The following ZNF609 variants were observed in gnomAD, a reference collection of about 807,000 sequenced individuals.
The protein encoded by ZNF609 is zinc finger protein 609.
ZNF609 carries 11 observed loss-of-function variants against 109.5 expected under a neutral mutation model. That is an observed-to-expected ratio of 0.10 (90% CI 0.06 to 0.17). The LOEUF (loss-of-function observed/expected upper bound fraction) is 0.17. Among genes scored for constraint, ZNF609 ranks in the 10% least tolerant of loss-of-function variants. The pLI is 1.00. For missense variants in ZNF609, 1,559 were observed against 1,772.4 expected, an observed-to-expected ratio of 0.88 and a Z score of 2.16; for synonymous variants, 646 against 662.0, an observed-to-expected ratio of 0.98 and a Z score of 0.37.
Position 64,674,824 on chromosome 15 carries a change from G to C in ZNF609, c.1970G>C (p.Arg657Pro). The C allele has an allele frequency of 1.9e-6, 3 of 1,614,038 alleles. No homozygotes were observed. The highest frequency in any genetic ancestry group is 2.5e-6 in the Non-Finnish European group (3 of 1,179,992). The change falls in exon 5 of 10, where the codon CGT (arginine) becomes CCT (proline). Residue 657 changes from arginine (R) to proline (P), a missense_variant. Arg to Pro is a moderately radical substitution (Grantham distance 103, BLOSUM62 -2). Coordinates refer to ENST00000326648, the MANE Select transcript of ZNF609 (RefSeq NM_015042.2). ...KIPSKSLKSARPIAPAIPPQQ... is the reference protein window; with the variant it reads ...KIPSKSLKSAPPIAPAIPPQQ... ...CCTTCCAAGAGCCTAAAGTCAGCCC[G>C]TCCCATTGCCCCTGCCATCCCCCCA...
At chr15:64,500,210 A>C (rs2140351027) in intron 2 of ZNF609, 44 bp downstream of exon 2, 1 of 1,599,730 alleles carries the variant, frequency 6.3e-7, no homozygotes, top group East Asian at 2.2e-5. Context: ...TGCCAGTCAG[A>C]ACTGCCCTGG....
chr15:64,500,053 C>G lies in ZNF609; in HGVS notation c.634C>G (p.Leu212Val). 1.2e-6 allele frequency: 2 copies of G among 1,614,118 alleles called. No individual in the cohort carries two copies. The highest frequency in any genetic ancestry group is 3.3e-5 in the Admixed American group (2 of 60,014). The change falls in exon 2 of 10, where the codon CTT becomes GTT. Residue 212 changes from leucine (L) to valine (V), a missense_variant. By Grantham distance (32) the Leu-to-Val change is conservative. Around this residue, in one of 4 missense-constraint regions of ZNF609, gnomAD observed 291 missense variants for 317.8 expected, o/e 0.92. Transcript: ENST00000326648. ...AGVDTGAVEP[L>V]GSIAIEPGAA... ...GGTGGATACAGGAGCTGTGGAGCCA[C>G]TTGGGAGTATAGCTATTGAGCCTGG... is the stretch of plus-strand genomic sequence containing the variant.
intron 5 of ZNF609, 70 bp from the exon 6 acceptor site, chr15:64,678,046 G>A: frequency 6.5e-7 from 1 of 1,545,096 alleles, no homozygotes. Flanking sequence ...TGGTTCTACT[G>A]GGACCTTGGG....
At chr15:64,669,000 A>C (rs541785883) in intron 3 of ZNF609, among the ~76,000 whole-genome samples, 93 of 151,818 alleles carry the variant, frequency 6.1e-4, no homozygotes, top group Admixed American at 4.3e-3. Context: ...CCAAAAAAAA[A>C]CCCTATATAA....
At chr15:64,538,655 T>G (rs2140378212) in intron 2 of ZNF609, among the ~76,000 whole-genome samples, 1 of 152,180 alleles carries the variant, frequency 6.6e-6, no homozygotes, top group African/African-American at 2.4e-5. Flanking sequence ...CAAGCGATTC[T>G]CTTGCCTCAG....
At chr15:64,644,243 A>T (rs1346533395) in intron 3 of ZNF609, among the ~76,000 whole-genome samples, 1 of 152,218 alleles carries the variant, frequency 6.6e-6, no homozygotes, top group Non-Finnish European at 1.5e-5. Context: ...CACACCTATA[A>T]TCCCAGTACT....
chr15:64,676,293 T>C, intron 5 of ZNF609, 37 bp downstream of exon 5: 4 of 1,548,492 alleles, frequency 2.6e-6, no homozygotes, highest in Non-Finnish European at 3.5e-6. Context: ...AAATACCGTA[T>C]GGTAATCGTC....
intron 2 of ZNF609, among the ~76,000 whole-genome samples, chr15:64,515,239 C>T (rs1170356242): frequency 6.6e-6 from 1 of 152,132 alleles, no homozygotes; most frequent in Non-Finnish European, 1.5e-5. Context: ...GCTGTTACTG[C>T]CTAGAGATGA....
intron 1 of ZNF609, among the ~76,000 whole-genome samples, chr15:64,471,702 G>A (rs1893093361): frequency 6.6e-6 from 1 of 152,092 alleles, no homozygotes; most frequent in African/African-American, 2.4e-5. Context: ...TCCTGCCTCA[G>A]CCTCCTGAGT....
At chr15:64,541,439 A>G (rs1033168654) in intron 2 of ZNF609, among the ~76,000 whole-genome samples, 2 of 151,554 alleles carry the variant, frequency 1.3e-5, no homozygotes, top group Admixed American at 6.6e-5. Flanking sequence ...AAAAAAAAAA[A>G]AAAAAAGAAT....
chr15:64,650,775 G>A (rs1432283041), intron 3 of ZNF609, among the ~76,000 whole-genome samples: 1 of 151,914 alleles, frequency 6.6e-6, no homozygotes, highest in Non-Finnish European at 1.5e-5. Flanking sequence ...ATTCAAAAGA[G>A]TCTGTAGAAC....
At chr15:64,473,944 T>C (rs1234653949) in intron 1 of ZNF609, among the ~76,000 whole-genome samples, 1 of 151,436 alleles carries the variant, frequency 6.6e-6, no homozygotes, top group African/African-American at 2.4e-5. Context: ...TCGGCTAATT[T>C]TTGTATTTTT....
At chr15:64,582,825 C>T (rs1336976977) in intron 2 of ZNF609, among the ~76,000 whole-genome samples, 1 of 124,752 alleles carries the variant, frequency 8.0e-6, no homozygotes, top group Non-Finnish European at 1.6e-5. Flanking sequence ...AATCTCGGGT[C>T]ACTGCAACCT....
At chr15:64,508,848 T>C (rs983862915) in intron 2 of ZNF609, among the ~76,000 whole-genome samples, 2 of 132,782 alleles carry the variant, frequency 1.5e-5, no homozygotes, top group South Asian at 4.8e-4. Context: ...GTGTGTGCCA[T>C]CACGCCCAAC....
At chr15:64,466,151 G>GTA (rs1461574000) in intron 1 of ZNF609, among the ~76,000 whole-genome samples, 3 of 151,614 alleles carry the variant, frequency 2.0e-5, no homozygotes, top group East Asian at 3.9e-4. Flanking sequence ...TTAGCGGGGG[G>GTA]TATAGCATTT....
chr15:64,645,764 A>G (rs1341019685), intron 3 of ZNF609, among the ~76,000 whole-genome samples: 1 of 152,234 alleles, frequency 6.6e-6, no homozygotes, highest in African/African-American at 2.4e-5. Flanking sequence ...TAAATGACCA[A>G]TAATCACATG....
chr15:64,577,543 A>G (rs1895014637), intron 2 of ZNF609, among the ~76,000 whole-genome samples: 2 of 52,194 alleles, frequency 3.8e-5, no homozygotes, highest in African/African-American at 6.2e-5. Context: ...ATACATATAT[A>G]TGTATATATA....
chr15:64,676,593 G>T (rs1347195431), intron 5 of ZNF609, among the ~76,000 whole-genome samples: 1 of 151,266 alleles, frequency 6.6e-6, no homozygotes, highest in African/African-American at 2.4e-5. Context: ...ACCATGCCCA[G>T]CTAATTTTTT....
At chr15:64,673,317 T>G (rs887323815) in intron 4 of ZNF609, among the ~76,000 whole-genome samples, 15 of 152,120 alleles carry the variant, frequency 9.9e-5, no homozygotes, top group Admixed American at 3.3e-4. Context: ...TAGCTAAAGG[T>G]TTAATTCTAG....
Sources: gnomAD v4.1 joint callset for allele counts (sites outside exome capture counted in the v4.1 genomes callset) on GRCh38, gnomAD v4.1.1 for gene constraint, gnomAD v4.1.1 regional missense constraint, MANE v1.5 for transcripts, NCBI Gene and HGNC (gene_info 2026-07-23, HGNC 2026-07-21) for gene names.